PRKCE: variants seen among roughly 807,000 people sequenced by gnomAD.
PRKCE encodes protein kinase C epsilon.
In PRKCE, 16 loss-of-function variants were observed where a neutral mutation model predicts 85.4. The ratio of observed to expected loss-of-function variants is 0.19; its 90% CI spans 0.13 to 0.28. PRKCE has a LOEUF of 0.28. Among genes scored for constraint, PRKCE ranks in the 10% least tolerant of loss-of-function variants. The pLI is 1.00. For missense variants in PRKCE, 573 were observed against 975.2 expected, an observed-to-expected ratio of 0.59 and a Z score of 5.49; for synonymous variants, 388 against 371.5, an observed-to-expected ratio of 1.04 and a Z score of -0.51.
intron 11 of PRKCE, among the ~76,000 whole-genome samples, chr2:46,099,047 T>G (rs181694499): frequency 1.3e-5 from 2 of 152,310 alleles, no homozygotes; most frequent in Admixed American, 1.3e-4. Flanking sequence ...TACTGCTAAT[T>G]GTTGCCACCT....
Position 46,082,962 on chromosome 2 carries a change from T to C in PRKCE, c.1438-3246T>C, listed in dbSNP as rs547928325. Among the ~76,000 whole-genome samples the C allele has an allele frequency of 3.3e-4, 51 of 152,336 alleles. 1 individual carries two copies. The South Asian group carries it at 0.01, about 31-fold the overall frequency. Reference sequence around the variant, plus strand: ...CTATTACTCAATCATCCTGATTTTTTTTTGAGACGGAGTTTCTCTCTGTCA... The same window carrying C: ...CTATTACTCAATCATCCTGATTTTTCTTTGAGACGGAGTTTCTCTCTGTCA... On this transcript the variant is annotated intron_variant, in intron 10 of 14. Coordinates refer to ENST00000306156, the MANE Select transcript of PRKCE (RefSeq NM_005400.3).
chr2:45,886,124 G>A (rs772770432), intron 2 of PRKCE, among the ~76,000 whole-genome samples: 4 of 152,130 alleles, frequency 2.6e-5, no homozygotes, highest in Admixed American at 6.6e-5. Context: ...TTACCTGTCC[G>A]GGCCATGGGC....
chr2:45,814,054 C>G (rs1688844176), intron 1 of PRKCE, among the ~76,000 whole-genome samples: 1 of 152,166 alleles, frequency 6.6e-6, no homozygotes, highest in African/African-American at 2.4e-5. Context: ...CCCCCTCCCC[C>G]TCCCGCACAG....
At chr2:45,688,069 A>G (rs1677441065) in intron 1 of PRKCE, among the ~76,000 whole-genome samples, 1 of 152,196 alleles carries the variant, frequency 6.6e-6, no homozygotes, top group African/African-American at 2.4e-5. Flanking sequence ...CATTTTCTTG[A>G]CACCCAGCAA....
chr2:46,025,085 AC>A (rs1406438614), intron 10 of PRKCE, among the ~76,000 whole-genome samples: 3 of 152,082 alleles, frequency 2.0e-5, no homozygotes, highest in African/African-American at 4.8e-5. Context: ...GTAAAAAAAA[AC>A]AAATGTAGGT....
At chr2:45,926,022 G>A (rs530688287) in intron 2 of PRKCE, among the ~76,000 whole-genome samples, 2 of 152,362 alleles carry the variant, frequency 1.3e-5, no homozygotes, top group South Asian at 4.1e-4. Context: ...CGAAGCCTCA[G>A]TGCCACCCAC....
chr2:46,153,978 G>C lies in PRKCE; in HGVS notation c.1920+2749G>C, dbSNP rs866563350. Among the ~76,000 whole-genome samples the C allele has an allele frequency of 2.6e-5, 4 of 151,924 alleles. No individual in the cohort carries two copies. The Middle Eastern group carries it at 0.01, about 388-fold the overall frequency. On this transcript the variant is annotated intron_variant, in intron 13 of 14. Transcript: ENST00000306156. ...ATTTTTGTATTTTTAGTAGAGGCAGGGTTTCACCGTGTTAGCCAGGATGGT... is the reference window on the plus strand; with the variant it reads ...ATTTTTGTATTTTTAGTAGAGGCAGCGTTTCACCGTGTTAGCCAGGATGGT...
At chr2:45,680,561 A>G (rs1177894207) in intron 1 of PRKCE, among the ~76,000 whole-genome samples, 7 of 152,246 alleles carry the variant, frequency 4.6e-5, no homozygotes, top group Non-Finnish European at 8.8e-5. Flanking sequence ...AAACGGGGAA[A>G]GTAAGATAAA....
chr2:45,670,344 G>C (rs1203676783), intron 1 of PRKCE, among the ~76,000 whole-genome samples: 2 of 152,120 alleles, frequency 1.3e-5, no homozygotes, highest in Non-Finnish European at 2.9e-5. Context: ...TCCTGTCTAG[G>C]CTATTGGTTT....
chr2:45,827,930 G>C (rs1690081894), intron 1 of PRKCE, among the ~76,000 whole-genome samples: 1 of 152,122 alleles, frequency 6.6e-6, no homozygotes, highest in Non-Finnish European at 1.5e-5. Context: ...TAGAGCACCA[G>C]CATTTTTCTT....
At chr2:45,953,759 C>T (rs1700787461) in intron 2 of PRKCE, among the ~76,000 whole-genome samples, 1 of 152,212 alleles carries the variant, frequency 6.6e-6, no homozygotes, top group Non-Finnish European at 1.5e-5. Flanking sequence ...GATTGTGATT[C>T]AGTTGTCTGT....
chr2:45,822,592 A>G (rs1689626016), intron 1 of PRKCE, among the ~76,000 whole-genome samples: 3 of 152,224 alleles, frequency 2.0e-5, no homozygotes, highest in African/African-American at 7.2e-5. Context: ...GACTCTGGGC[A>G]TAGAGAGCTT....
At chr2:45,944,440 C>T (rs960144436) in intron 2 of PRKCE, among the ~76,000 whole-genome samples, 4 of 152,142 alleles carry the variant, frequency 2.6e-5, no homozygotes, top group African/African-American at 9.7e-5. Flanking sequence ...GACTCGTAAA[C>T]TTAAGATCTG....
intron 6 of PRKCE, among the ~76,000 whole-genome samples, chr2:45,995,329 C>G (rs1704128717): frequency 6.6e-6 from 1 of 151,898 alleles, no homozygotes; most frequent in Non-Finnish European, 1.5e-5. Context: ...GGGGACAGAG[C>G]AAAAGTTTTT....
intron 1 of PRKCE, among the ~76,000 whole-genome samples, chr2:45,842,057 C>T (rs1396742634): frequency 8.9e-6 from 1 of 111,938 alleles, no homozygotes. Context: ...TCCAGGGTTT[C>T]CAGAGTTACT....
chr2:45,748,720 G>A (rs1168700824), intron 1 of PRKCE, among the ~76,000 whole-genome samples: 1 of 152,170 alleles, frequency 6.6e-6, no homozygotes, highest in Non-Finnish European at 1.5e-5. Context: ...AAGGATTTGT[G>A]TTGGATTCAG....
chr2:46,155,413 G>C lies in PRKCE; in HGVS notation c.1920+4184G>C, dbSNP rs372606935. 6.6e-6 allele frequency among the ~76,000 whole-genome samples: 1 copy of C among 151,860 alleles called. No individual in the cohort carries two copies. The highest frequency in any genetic ancestry group is 2.4e-5 in the African/African-American group (1 of 41,338). On this transcript the variant is annotated intron_variant, in intron 13 of 14. Transcript: ENST00000306156. The surrounding 1 kb of genome is among the most constrained non-coding windows in gnomAD (Gnocchi z 4.7). ...ATGGATTCTGGTCACCGCCTCTCTT[G>C]TTCCTCAGGCCTGGGCCCCGGGTCC...
At chr2:45,942,659 C>G (rs919765297) in intron 2 of PRKCE, among the ~76,000 whole-genome samples, 12 of 152,184 alleles carry the variant, frequency 7.9e-5, no homozygotes, top group African/African-American at 2.7e-4. Context: ...AAATTCCTCT[C>G]TTTCCTGTGC....
At chr2:45,722,187 T>C (rs1325650345) in intron 1 of PRKCE, among the ~76,000 whole-genome samples, 1 of 152,160 alleles carries the variant, frequency 6.6e-6, no homozygotes, top group Non-Finnish European at 1.5e-5. Flanking sequence ...TTAGAGACAT[T>C]GCACTGTTGT....
Sources: allele counts gnomAD v4.1 joint callset (sites outside exome capture counted in the v4.1 genomes callset), GRCh38; gene constraint gnomAD v4.1.1; non-coding constraint Gnocchi (gnomAD v3.1); transcripts MANE v1.5; gene names NCBI Gene and HGNC (gene_info 2026-07-23, HGNC 2026-07-21).